The following CNTNAP5 variants were observed in gnomAD, a reference collection of about 807,000 sequenced individuals.
CNTNAP5 encodes the protein contactin-associated protein-like 5.
A neutral mutation model predicts 150.2 loss-of-function variants in CNTNAP5; 72 were observed. The ratio of observed to expected loss-of-function variants is 0.48; its 90% CI spans 0.40 to 0.58. CNTNAP5 has a LOEUF of 0.58. Ranked by LOEUF, CNTNAP5 falls within the 20% of genes least tolerant of loss-of-function variation. The pLI, the probability that CNTNAP5 is intolerant of heterozygous loss-of-function variation, is 0.00. For synonymous variants in CNTNAP5, 672 were observed against 619.8 expected (o/e 1.08, Z -1.25); for missense variants, 1,636 against 1,626.2 (o/e 1.01, Z -0.10).
chr2:124,607,912 A>C (rs1056299373), intron 11 of CNTNAP5, among the ~76,000 whole-genome samples: 1 of 152,194 alleles, frequency 6.6e-6, no homozygotes, highest in Non-Finnish European at 1.5e-5. Flanking sequence ...TATGCTCACA[A>C]TGTGGGGCAC....
chr2:124,137,475 C>A (rs752665540), intron 1 of CNTNAP5, among the ~76,000 whole-genome samples: 5 of 151,998 alleles, frequency 3.3e-5, no homozygotes, highest in Non-Finnish European at 4.4e-5. Context: ...AAACTATGAG[C>A]CCATTTACCC....
At chr2:124,570,812 A>G (rs565645946) in intron 11 of CNTNAP5, among the ~76,000 whole-genome samples, 90 of 152,338 alleles carry the variant, frequency 5.9e-4, no homozygotes, top group African/African-American at 2.0e-3. Context: ...AATTGAACAC[A>G]GTAGAGAGAA....
intron 1 of CNTNAP5, among the ~76,000 whole-genome samples, chr2:124,186,882 T>G (rs1685345580): frequency 6.6e-6 from 1 of 152,202 alleles, no homozygotes; most frequent in African/African-American, 2.4e-5. Flanking sequence ...TTAACAAAAA[T>G]GCAGTGCAAA....
rs190021375 is a variant in CNTNAP5, at chr2:124,492,271, C to T, written c.1063-12021C>T. 1.7e-3 allele frequency among the ~76,000 whole-genome samples: 264 copies of T among 152,272 alleles called. 1 individual carries two copies. Among genetic ancestry groups the T allele is most frequent in the African/African-American group, 6.0e-3 (251 of 41,562 alleles). ...AGGTATTATATTTAAGTCTGTAATA[C>T]ATTTCAAGTTAATTTTTGTGAGTGT... On this transcript the variant is annotated intron_variant, in intron 7 of 23. Coordinates refer to ENST00000682447, the MANE Select transcript of CNTNAP5 (RefSeq NM_001367498.1).
In CNTNAP5 at chr2:124,700,799, T is replaced by C. The variant is rs555719167; in HGVS notation, c.2078-46430T>C. Reference sequence around the variant, plus strand: ...TGTATTTTTACAATATATTTAATAGTATATATTTAAGGTATACAAAACATG... The same window carrying C: ...TGTATTTTTACAATATATTTAATAGCATATATTTAAGGTATACAAAACATG... On this transcript the variant is annotated intron_variant, in intron 13 of 23. Coordinates refer to ENST00000682447, the MANE Select transcript of CNTNAP5 (RefSeq NM_001367498.1). Among the ~76,000 whole-genome samples, 58 of 152,114 alleles carry C rather than the reference T, an allele frequency of 3.8e-4. 1 individual carries two copies. The South Asian group carries it at 0.012, about 31-fold the overall frequency.
At chr2:124,432,409 A>T (rs912326054) in intron 4 of CNTNAP5, among the ~76,000 whole-genome samples, 2 of 151,804 alleles carry the variant, frequency 1.3e-5, no homozygotes, top group Non-Finnish European at 2.9e-5. Flanking sequence ...CCCTGGGGTA[A>T]CTCCTACATA....
rs74467624 is a variant in CNTNAP5 at position 124,378,270 on chromosome 2, A to G, written c.382-39173A>G. Among the ~76,000 whole-genome samples, 1,136 of 148,164 alleles carry G rather than the reference A, an allele frequency of 7.7e-3. 10 individuals carry two copies. Among genetic ancestry groups the G allele is most frequent in the East Asian group, 0.034 (174 of 5,044 alleles). On this transcript the variant is annotated intron_variant, in intron 3 of 23. Transcript: ENST00000682447. ...TCAACCGTATGTAATTTACACAATT[A>G]AAAAAAAAACATGCTTTTTTAAAAG...
chr2:124,087,284 C>G (rs1682713872), intron 1 of CNTNAP5, among the ~76,000 whole-genome samples: 1 of 151,800 alleles, frequency 6.6e-6, no homozygotes, highest in South Asian at 2.1e-4. Flanking sequence ...TTCCTTCTAC[C>G]TTCTTGATGT....
At chr2:124,336,231 T>A (rs541840603) in intron 3 of CNTNAP5, among the ~76,000 whole-genome samples, 1 of 152,228 alleles carries the variant, frequency 6.6e-6, no homozygotes, top group South Asian at 2.1e-4. Context: ...AAGGTTGCCA[T>A]ATTATACAAA....
At chr2:124,671,330 G>A (rs1678820166) in intron 13 of CNTNAP5, among the ~76,000 whole-genome samples, 1 of 152,188 alleles carries the variant, frequency 6.6e-6, no homozygotes, top group Admixed American at 6.5e-5. Flanking sequence ...AAAAACAAAG[G>A]CATAAGAAAC....
chr2:124,558,031 C>G (rs1695800201), intron 10 of CNTNAP5, among the ~76,000 whole-genome samples: 1 of 152,088 alleles, frequency 6.6e-6, no homozygotes, highest in African/African-American at 2.4e-5. Context: ...TGCTTTTACC[C>G]TAGATAAAAT....
In CNTNAP5 at chr2:124,798,147, A is replaced by G. The variant is rs2104641991; in HGVS notation, c.3044A>G (p.Glu1015Gly). ...AGTSVTYMFQEPYPVTKNISL... is the reference protein window; with the variant it reads ...AGTSVTYMFQGPYPVTKNISL... ...ACGTCGGTTACTTACATGTTTCAAG[A>G]ACCCTATCCTGTGACCAAGAATATA... Residue 1015 changes from glutamate to glycine, a missense_variant, in exon 19 of 24, where the codon GAA becomes GGA. Transcript: ENST00000682447. 1 of 1,613,652 alleles carries G rather than the reference A, an allele frequency of 6.2e-7. No homozygotes were observed. Among genetic ancestry groups the G allele is most frequent in the South Asian group, 1.1e-5 (1 of 91,032 alleles).
intron 1 of CNTNAP5, among the ~76,000 whole-genome samples, chr2:124,087,401 AG>A (rs1272076688): frequency 6.6e-6 from 1 of 151,702 alleles, no homozygotes; most frequent in Non-Finnish European, 1.5e-5. Flanking sequence ...TCTTCATCTG[AG>A]GTTTTTAAAA....
At chr2:124,112,985 G>T (rs1573762507) in intron 1 of CNTNAP5, among the ~76,000 whole-genome samples, 2 of 152,136 alleles carry the variant, frequency 1.3e-5, no homozygotes, top group Non-Finnish European at 2.9e-5. Context: ...AATACCTAAG[G>T]TTAAAATGAA....
intron 1 of CNTNAP5, among the ~76,000 whole-genome samples, chr2:124,152,547 A>G (rs529281531): frequency 6.6e-6 from 1 of 152,292 alleles, no homozygotes; most frequent in East Asian, 1.9e-4. Context: ...TGAAATTAAA[A>G]TTGATATATT....
chr2:124,463,910 A>G (rs1189588712), intron 6 of CNTNAP5, among the ~76,000 whole-genome samples: 3 of 152,072 alleles, frequency 2.0e-5, no homozygotes, highest in Admixed American at 1.3e-4. Flanking sequence ...GTCTCAGTCA[A>G]GCTGCTAAAC....
intron 13 of CNTNAP5, among the ~76,000 whole-genome samples, chr2:124,736,876 T>C (rs1008690771): frequency 1.3e-5 from 2 of 152,204 alleles, no homozygotes; most frequent in African/African-American, 4.8e-5. Context: ...CACCATTCTC[T>C]ATGTTGGATA....
chr2:124,683,401 G>GT (rs914440259), intron 13 of CNTNAP5, among the ~76,000 whole-genome samples: 22 of 151,942 alleles, frequency 1.4e-4, no homozygotes, highest in African/African-American at 4.6e-4. Flanking sequence ...TTTTATTTCA[G>GT]TTTTTTTTGG....
At chr2:124,142,323 T>C (rs1312571743) in intron 1 of CNTNAP5, among the ~76,000 whole-genome samples, 6 of 143,322 alleles carry the variant, frequency 4.2e-5, no homozygotes, top group African/African-American at 1.6e-4. Flanking sequence ...CCACCCCAAA[T>C]CAACAGAATA....
Sources: allele counts gnomAD v4.1 joint callset (sites outside exome capture counted in the v4.1 genomes callset), GRCh38; gene constraint gnomAD v4.1.1; transcripts MANE v1.5; gene names NCBI Gene and HGNC (gene_info 2026-07-23, HGNC 2026-07-21).